PMS1: variants seen among roughly 807,000 people sequenced by gnomAD.
PMS1 encodes the protein PMS1 protein homolog 1.
A neutral mutation model predicts 93.1 loss-of-function variants in PMS1; 79 were observed. The observed-to-expected ratio is 0.85, with a 90% confidence interval of 0.71 to 1.02. The LOEUF is 1.02. Ranked by LOEUF, PMS1 falls within the 50% of genes least tolerant of loss-of-function variation. The pLI is 0.00. For synonymous variants in PMS1, 335 were observed against 363.4 expected (o/e 0.92, Z 0.89); for missense variants, 1,064 against 1,085.3 (o/e 0.98, Z 0.28).
At chr2:189,852,856 C>G (rs998014910) in intron 7 of PMS1, 79 bp downstream of exon 7, 12 of 893,840 alleles carry the variant, frequency 1.3e-5, no homozygotes, top group Non-Finnish European at 1.6e-5. Flanking sequence ...CAAGAATTTG[C>G]TCTAAAATAA....
chr2:189,791,383 G>A (rs1252338995), intron 1 of PMS1, among the ~76,000 whole-genome samples: 2 of 152,132 alleles, frequency 1.3e-5, no homozygotes, highest in African/African-American at 2.4e-5. Flanking sequence ...ACTTTGGGAG[G>A]CCAAGGCAGG....
chr2:189,794,753 A>G (rs778798830), intron 2 of PMS1, among the ~76,000 whole-genome samples: 23 of 152,268 alleles, frequency 1.5e-4, no homozygotes, highest in Non-Finnish European at 2.5e-4. Flanking sequence ...TTTGTTATAT[A>G]TGTATATTTT....
intron 5 of PMS1, among the ~76,000 whole-genome samples, chr2:189,829,737 C>T (rs1237074528): frequency 1.3e-5 from 2 of 152,260 alleles, no homozygotes; most frequent in East Asian, 3.9e-4. Context: ...AAACCAGAAG[C>T]CTTAGGGTTA....
intron 6 of PMS1, among the ~76,000 whole-genome samples, chr2:189,851,932 G>A (rs2054777158): frequency 6.6e-6 from 1 of 152,034 alleles, no homozygotes; most frequent in South Asian, 2.1e-4. Context: ...GATAAAAGTG[G>A]GAGCATGTTC....
At chr2:189,840,767 T>G (rs909562119) in intron 5 of PMS1, among the ~76,000 whole-genome samples, 5 of 152,324 alleles carry the variant, frequency 3.3e-5, no homozygotes, top group African/African-American at 1.2e-4. Context: ...TATTCAGACT[T>G]TAGGATGCTA....
At chr2:189,858,997 A>G (rs2055667002) in intron 9 of PMS1, among the ~76,000 whole-genome samples, 1 of 152,110 alleles carries the variant, frequency 6.6e-6, no homozygotes, top group South Asian at 2.1e-4. Flanking sequence ...TTCACATTCC[A>G]TATTTTTCCT....
At chr2:189,834,747 A>G (rs895303508) in intron 5 of PMS1, among the ~76,000 whole-genome samples, 8 of 152,168 alleles carry the variant, frequency 5.3e-5, no homozygotes, top group Non-Finnish European at 1.5e-5. Context: ...TTTTATTTTT[A>G]GAGACAGGGT....
At chr2:189,808,850 A>C (rs1302914049) in intron 4 of PMS1, among the ~76,000 whole-genome samples, 1 of 152,222 alleles carries the variant, frequency 6.6e-6, no homozygotes, top group African/African-American at 2.4e-5. Context: ...TATCTTTTAA[A>C]TTATTGTACC....
chr2:189,843,285 T>C (rs1383596819), intron 5 of PMS1, among the ~76,000 whole-genome samples: 1 of 152,174 alleles, frequency 6.6e-6, no homozygotes, highest in Admixed American at 6.5e-5. Flanking sequence ...CCCACAGTGC[T>C]GGGATTACAG....
At chr2:189,864,658 A>G (rs1167644144) in intron 10 of PMS1, among the ~76,000 whole-genome samples, 7 of 9,808 alleles carry the variant, frequency 7.1e-4, no homozygotes, top group Middle Eastern at 0.022. Context: ...TCTGTCTCAG[A>G]AAAAAAAAAA....
Position 189,877,322 on chromosome 2 carries a change from G to C in PMS1, c.2685G>C (p.Glu895Asp), listed in dbSNP as rs2057661394. The change falls in exon 13 of 13, where the codon GAG (glutamate) becomes GAC (aspartate). Residue 895 changes from glutamate (E) to aspartate (D), a missense_variant. Physicochemically the swap from Glu to Asp is conservative, Grantham distance 45 (BLOSUM62 2). Transcript: ENST00000441310. The part of the protein sequence containing the change: ...SRQLPMYLSK[E>D]DIQDIIYRMK... ...AATTACCCATGTACTTATCAAAAGAGGACATCCAAGACATTATCTACAGAA... is the reference window on the plus strand; with the variant it reads ...AATTACCCATGTACTTATCAAAAGACGACATCCAAGACATTATCTACAGAA... The C allele has an allele frequency of 1.2e-6, 2 of 1,613,190 alleles. No homozygotes were observed. Among genetic ancestry groups the C allele is most frequent in the Non-Finnish European group, 1.7e-6 (2 of 1,179,280 alleles).
At chr2:189,805,851 C>A (rs1230321487) in intron 4 of PMS1, 97 bp downstream of exon 4, 1 of 1,564,034 alleles carries the variant, frequency 6.4e-7, no homozygotes, top group South Asian at 1.2e-5. Flanking sequence ...AAATATATTG[C>A]TTTGGGCTTG....
chr2:189,832,994 C>A, intron 5 of PMS1, among the ~76,000 whole-genome samples: 1 of 152,214 alleles, frequency 6.6e-6, no homozygotes, highest in East Asian at 1.9e-4. Context: ...CCATCTCCCT[C>A]TGCCAGCTTT....
At chr2:189,867,470 A>C (rs2056764332) in intron 10 of PMS1, among the ~76,000 whole-genome samples, 1 of 152,206 alleles carries the variant, frequency 6.6e-6, no homozygotes, top group African/African-American at 2.4e-5. Flanking sequence ...CTAACTTGAC[A>C]GTGTATTATT....
chr2:189,870,061 G>T (rs931971923), intron 11 of PMS1, among the ~76,000 whole-genome samples: 2 of 152,072 alleles, frequency 1.3e-5, no homozygotes, highest in African/African-American at 4.8e-5. Context: ...GACTTGATTT[G>T]ATTGGAATTA....
At chr2:189,819,264 C>G (rs763960828) in intron 5 of PMS1, among the ~76,000 whole-genome samples, 1 of 152,096 alleles carries the variant, frequency 6.6e-6, no homozygotes, top group East Asian at 1.9e-4. Flanking sequence ...TATACATACA[C>G]ATTTTCTTTA....
intron 3 of PMS1, among the ~76,000 whole-genome samples, chr2:189,796,364 A>C (rs777622928): frequency 1.3e-5 from 2 of 151,958 alleles, no homozygotes; most frequent in East Asian, 1.9e-4. Context: ...TGTCTCAAAA[A>C]AATATATATA....
intron 1 of PMS1, among the ~76,000 whole-genome samples, chr2:189,785,971 G>A (rs1471788595): frequency 2.0e-5 from 3 of 151,802 alleles, no homozygotes; most frequent in Non-Finnish European, 4.4e-5. Context: ...CTAAAAATAC[G>A]AAAATTAGCC....
At position 189,854,497 on chromosome 2, in the gene PMS1, C is replaced by A; in HGVS notation, c.1225C>A (p.His409Asn). ...AAAAAACACTGATGATTGTTTAAATCACCAGATAAGTATTGGTGACTTTGG... is the reference window on the plus strand; with the variant it reads ...AAAAAACACTGATGATTGTTTAAATAACCAGATAAGTATTGGTGACTTTGG... ...SGKNTDDCLN[H>N]QISIGDFGYG... Residue 409 changes from histidine (H) to asparagine (N), a missense_variant, in exon 9 of 13, where the codon CAC becomes AAC. By Grantham distance (68) the His-to-Asn change is moderately conservative (BLOSUM62 1). Coordinates refer to ENST00000441310, the MANE Select transcript of PMS1 (RefSeq NM_000534.5). 6.2e-7 allele frequency: 1 copy of A among 1,613,524 alleles called. No homozygotes were observed. Among genetic ancestry groups the A allele is most frequent in the South Asian group, 1.1e-5 (1 of 91,008 alleles).
Sources: allele counts gnomAD v4.1 joint callset (sites outside exome capture counted in the v4.1 genomes callset), GRCh38; gene constraint gnomAD v4.1.1; transcripts MANE v1.5; gene names NCBI Gene and HGNC (gene_info 2026-07-23, HGNC 2026-07-21).